Variants in KCNQ1 observed in about 807,000 individuals in gnomAD.
KCNQ1 encodes potassium voltage-gated channel subfamily Q member 1, also known as potassium voltage-gated channel subfamily KQT member 1.
KCNQ1 carries 49 observed loss-of-function variants against 72.4 expected under a neutral mutation model. The ratio of observed to expected loss-of-function variants is 0.68; its 90% CI spans 0.54 to 0.86. KCNQ1 has a LOEUF of 0.86. Among genes scored for constraint, KCNQ1 ranks in the 40% least tolerant of loss-of-function variants. The pLI is 0.00. For missense variants in KCNQ1, 790 were observed against 945.1 expected, an observed-to-expected ratio of 0.84 and a Z score of 2.15; for synonymous variants, 450 against 412.6, an observed-to-expected ratio of 1.09 and a Z score of -1.10.
intron 2 of KCNQ1, among the ~76,000 whole-genome samples, chr11:2,535,389 G>A (rs879570936): frequency 3.3e-5 from 5 of 152,174 alleles, no homozygotes; most frequent in South Asian, 2.1e-4. Flanking sequence ...CTGATGTCCC[G>A]GCAAGAGTTC....
At position 2,679,331 on chromosome 11, in the gene KCNQ1, A is replaced by C. The variant is rs1850347292; in HGVS notation, c.1514+17250A>C. ...GGTCTGGAGTCTGAACTCATATCCT[A>C]ATTCCACTACTTTCTACCTGCTACA... On this transcript the variant is annotated intron_variant, in intron 11 of 15. Transcript: ENST00000155840. This position sits in a 1 kb window ranked among gnomAD's most constrained non-coding sequence, Gnocchi z 4.8. The C allele has an allele frequency of 2.5e-6, 1 of 398,604 alleles. No individual in the cohort carries two copies. The highest frequency in any genetic ancestry group is 4.4e-5 in the Admixed American group (1 of 22,732). 24.7% of individuals were successfully genotyped at this position (398,604 alleles called of 1,614,324 possible).
At position 2,463,852 on chromosome 11, in the gene KCNQ1, G is replaced by A. The variant is rs2133585887; in HGVS notation, c.386+18368G>A. Among the ~76,000 whole-genome samples, 1 of 152,364 alleles carries A rather than the reference G, an allele frequency of 6.6e-6. No homozygotes were observed. The highest frequency in any genetic ancestry group is 2.1e-4 in the South Asian group (1 of 4,832). On this transcript the variant is annotated intron_variant, in intron 1 of 15. Coordinates refer to ENST00000155840, the MANE Select transcript of KCNQ1 (RefSeq NM_000218.3). The surrounding 1 kb of genome is among the most constrained non-coding windows in gnomAD (Gnocchi z 7.0). ...ACGTGGAGGCTCCCTGTAGGTGCTT[G>A]TGTAGATGCCCCCGTGCGGGGACTT... is the stretch of plus-strand genomic sequence containing the variant.
intron 15 of KCNQ1, among the ~76,000 whole-genome samples, chr11:2,843,998 C>T (rs1848265539): frequency 6.6e-6 from 1 of 152,194 alleles, no homozygotes; most frequent in Admixed American, 6.5e-5. Context: ...AGAGCATGCA[C>T]TGCCTTCCCC....
chr11:2,800,466 C>A (rs1460446424), intron 15 of KCNQ1, among the ~76,000 whole-genome samples: 1 of 152,250 alleles, frequency 6.6e-6, no homozygotes, highest in Non-Finnish European at 1.5e-5. Flanking sequence ...TGCCTCACCT[C>A]GGCCCAAACC....
intron 10 of KCNQ1, chr11:2,619,190 G>A (rs77402029): frequency 4.0e-5 from 16 of 398,186 alleles, no homozygotes; most frequent in African/African-American, 2.5e-4. Flanking sequence ...CTGTTTGGTT[G>A]TACTAGTACT....
rs917257479 is a variant in KCNQ1 at position 2,526,354 on chromosome 11, A to C, written c.387-1574A>C. On this transcript the variant is annotated intron_variant, in intron 1 of 15. Coordinates refer to ENST00000155840, the MANE Select transcript of KCNQ1 (RefSeq NM_000218.3). This position sits in a 1 kb window ranked among gnomAD's most constrained non-coding sequence, Gnocchi z 6.1. ...GGTAGAGCTGACCGGTGTGGCAGGG[A>C]CAGGGTGTCGGTGAGGCAGGTGGCT... Among the ~76,000 whole-genome samples, 1 of 151,964 alleles carries C rather than the reference A, an allele frequency of 6.6e-6. No homozygotes were observed. Among genetic ancestry groups the C allele is most frequent in the East Asian group, 1.9e-4 (1 of 5,156 alleles).
In KCNQ1 at chr11:2,768,139, A is replaced by C. The variant is rs1278618757; in HGVS notation, c.1515-705A>C. ...CGCAGTCCCTGGTGTTTCCATCAGGAAAGTCAGGCAGGCGTTAGCTTCACT... is the reference window on the plus strand; with the variant it reads ...CGCAGTCCCTGGTGTTTCCATCAGGCAAGTCAGGCAGGCGTTAGCTTCACT... On this transcript the variant is annotated intron_variant, in intron 11 of 15. Coordinates refer to ENST00000155840, the MANE Select transcript of KCNQ1 (RefSeq NM_000218.3). This position sits in a 1 kb window ranked among gnomAD's most constrained non-coding sequence, Gnocchi z 6.7. Among the ~76,000 whole-genome samples, 1 of 152,194 alleles carries C rather than the reference A, an allele frequency of 6.6e-6. No individual in the cohort carries two copies. Among genetic ancestry groups the C allele is most frequent in the Non-Finnish European group, 1.5e-5 (1 of 68,036 alleles).
rs1261530725 is a variant in KCNQ1 at position 2,848,534 on chromosome 11, C to T, written c.*531C>T. The T allele has an allele frequency of 2.2e-6, 1 of 454,694 alleles. No individual in the cohort carries two copies. Among genetic ancestry groups the T allele is most frequent in the East Asian group, 6.9e-5 (1 of 14,416 alleles). 28.2% of individuals were successfully genotyped at this position (454,694 alleles called of 1,614,324 possible). The stretch of plus-strand genomic sequence containing the variant: ...TTGGAGGGCCTGGGCCTGGCTCCCT[C>T]ACTCTCAGGAAATGCTGACCCATGG... On this transcript the variant is annotated 3_prime_UTR_variant, in exon 16 of 16. Transcript: ENST00000155840.
chr11:2,744,840 A>C (rs1188865624), intron 11 of KCNQ1, among the ~76,000 whole-genome samples: 1 of 152,174 alleles, frequency 6.6e-6, no homozygotes, highest in Non-Finnish European at 1.5e-5. Flanking sequence ...GGAAGAATCC[A>C]GATTCCTTTT....
At chr11:2,672,725 A>G in intron 11 of KCNQ1, 1 of 398,664 alleles carries the variant, frequency 2.5e-6, no homozygotes, top group Non-Finnish European at 4.4e-6. Context: ...CAGGTTCCAG[A>G]CTCCAAGTTC....
In KCNQ1 at chr11:2,817,306, G is replaced by A. The variant is rs796356728; in HGVS notation, c.1795-30461G>A. Among the ~76,000 whole-genome samples the A allele has an allele frequency of 1.3e-5, 2 of 152,134 alleles. No homozygotes were observed. Among genetic ancestry groups the A allele is most frequent in the African/African-American group, 4.8e-5 (2 of 41,432 alleles). On this transcript the variant is annotated intron_variant, in intron 15 of 15. Transcript: ENST00000155840. The surrounding 1 kb of genome is among the most constrained non-coding windows in gnomAD (Gnocchi z 6.1). ...TTTAACTACGTTGGACAGAACCCAC[G>A]GCGGCCCTTTCCGTGGCTTCAGCCA...
Position 2,507,334 on chromosome 11 carries a change from T to A in KCNQ1, c.387-20594T>A, listed in dbSNP as rs3819508. Among the ~76,000 whole-genome samples the A allele has an allele frequency of 6.6e-6, 1 of 151,688 alleles. No individual in the cohort carries two copies. The highest frequency in any genetic ancestry group is 2.4e-5 in the African/African-American group (1 of 41,352). ...GCCCCTCTGGCCTCTAAGTGGAGCATGGAGTGTGGGGTCATCGGGCAGGAC... is the reference window on the plus strand; with the variant it reads ...GCCCCTCTGGCCTCTAAGTGGAGCAAGGAGTGTGGGGTCATCGGGCAGGAC... On this transcript the variant is annotated intron_variant, in intron 1 of 15. Coordinates refer to ENST00000155840, the MANE Select transcript of KCNQ1 (RefSeq NM_000218.3). The surrounding 1 kb of genome is among the most constrained non-coding windows in gnomAD (Gnocchi z 5.4).
Position 2,769,906 on chromosome 11 carries a change from A to C in KCNQ1, c.1590+987A>C, listed in dbSNP as rs575136528. ...GGCTCAGCAATGTCCGCCGACCACC[A>C]GGACCCACAGTCGGTGGCATCCCAG... On this transcript the variant is annotated intron_variant, in intron 12 of 15. Transcript: ENST00000155840. The surrounding 1 kb of genome is among the most constrained non-coding windows in gnomAD (Gnocchi z 4.6). 9.9e-4 allele frequency among the ~76,000 whole-genome samples: 150 copies of C among 151,914 alleles called. No homozygotes were observed. The highest frequency in any genetic ancestry group is 3.4e-3 in the African/African-American group (142 of 41,452).
rs1848677950 is a variant in KCNQ1 at position 2,592,048 on chromosome 11, C to A, written c.1393+3194C>A. On this transcript the variant is annotated intron_variant, in intron 10 of 15. Coordinates refer to ENST00000155840, the MANE Select transcript of KCNQ1 (RefSeq NM_000218.3). This position sits in a 1 kb window ranked among gnomAD's most constrained non-coding sequence, Gnocchi z 5.2. ...ACACTGAGTCCCCCGCAAAGTCAAA[C>A]CCAGGCCTCGACCTTGTCTGGCTGT... is the stretch of plus-strand genomic sequence containing the variant. Among the ~76,000 whole-genome samples the A allele has an allele frequency of 6.6e-6, 1 of 152,240 alleles. No individual in the cohort carries two copies. The highest frequency in any genetic ancestry group is 2.1e-4 in the South Asian group (1 of 4,834).
intron 11 of KCNQ1, among the ~76,000 whole-genome samples, chr11:2,763,245 TA>T: frequency 6.6e-6 from 1 of 152,132 alleles, no homozygotes; most frequent in South Asian, 2.1e-4. Flanking sequence ...CTTTTCTGTG[TA>T]GCAGTCTTAC....
Position 2,482,685 on chromosome 11 carries a change from A to G in KCNQ1, c.386+37201A>G, listed in dbSNP as rs1030627564. 8.5e-5 allele frequency among the ~76,000 whole-genome samples: 13 copies of G among 152,094 alleles called. No homozygotes were observed. Among genetic ancestry groups the G allele is most frequent in the Non-Finnish European group, 1.9e-4 (13 of 68,032 alleles). ...ACACTGCACCACAAAGCTGGGTATTATCATAAAAACACTGCCATTATGATG... is the reference window on the plus strand; with the variant it reads ...ACACTGCACCACAAAGCTGGGTATTGTCATAAAAACACTGCCATTATGATG... On this transcript the variant is annotated intron_variant, in intron 1 of 15. Coordinates refer to ENST00000155840, the MANE Select transcript of KCNQ1 (RefSeq NM_000218.3). The surrounding 1 kb of genome is among the most constrained non-coding windows in gnomAD (Gnocchi z 5.7).
intron 15 of KCNQ1, among the ~76,000 whole-genome samples, chr11:2,821,407 A>C (rs559955508): frequency 3.9e-5 from 6 of 152,308 alleles, no homozygotes; most frequent in Admixed American, 2.0e-4. Context: ...TTTCAAGTGG[A>C]GCCACAGGGC....
chr11:2,639,025 A>C (rs917736687), intron 10 of KCNQ1: 2 of 152,200 alleles, frequency 1.3e-5, no homozygotes, highest in East Asian at 1.9e-4. Flanking sequence ...AAGCTTGTGC[A>C]TTTGTCACGT....
At chr11:2,587,719 A>G in intron 9 of KCNQ1, 27 bp downstream of exon 9, 1 of 1,613,430 alleles carries the variant, frequency 6.2e-7, no homozygotes, top group Non-Finnish European at 8.5e-7. Flanking sequence ...CCACCAGGGC[A>G]GGGCCTTCTT....
Sources: gnomAD v4.1 joint callset for allele counts (sites outside exome capture counted in the v4.1 genomes callset) on GRCh38, gnomAD v4.1.1 for gene constraint, Gnocchi (gnomAD v3.1) non-coding constraint, MANE v1.5 for transcripts, NCBI Gene and HGNC (gene_info 2026-07-23, HGNC 2026-07-21) for gene names.